Variants in CEP290 observed in about 807,000 individuals in gnomAD.
CEP290 encodes the protein centrosomal protein 290.
CEP290 carries 317 observed loss-of-function variants against 344.9 expected under a neutral mutation model. The observed-to-expected ratio is 0.92, with a 90% CI of 0.84 to 1.01. The LOEUF (loss-of-function observed/expected upper bound fraction) is 1.01, where lower values mean the gene tolerates loss of function less well. CEP290 is among the 50% of genes least tolerant of loss of function. The pLI, the probability that CEP290 is intolerant of heterozygous loss-of-function variation, is 0.00. For missense variants in CEP290, 2,754 were observed against 2,761.4 expected (o/e 1.00, Z 0.06); for synonymous variants, 932 against 895.8 (o/e 1.04, Z -0.72).
At chr12:88,072,420 T>C (rs2035449733) in intron 41 of CEP290, among the ~76,000 whole-genome samples, 1 of 152,194 alleles carries the variant, frequency 6.6e-6, no homozygotes, top group African/African-American at 2.4e-5. Context: ...ATGTTCAACC[T>C]GTATAACTCC....
At chr12:88,079,898 A>G (rs2036063826) in intron 38 of CEP290, among the ~76,000 whole-genome samples, 1 of 152,124 alleles carries the variant, frequency 6.6e-6, no homozygotes, top group African/African-American at 2.4e-5. Context: ...AATACAATGT[A>G]ATATATATTA....
chr12:88,078,476 A>G (rs1202091792), intron 39 of CEP290, among the ~76,000 whole-genome samples: 1 of 152,076 alleles, frequency 6.6e-6, no homozygotes, highest in Non-Finnish European at 1.5e-5. Context: ...AACTATGGAG[A>G]CAGTAAAAAG....
At chr12:88,096,066 G>A (rs538178048) in intron 27 of CEP290, among the ~76,000 whole-genome samples, 1 of 130,308 alleles carries the variant, frequency 7.7e-6, no homozygotes, top group Non-Finnish European at 1.7e-5. Context: ...TTTTTTTTTT[G>A]AGACGGAGTC....
intron 45 of CEP290, among the ~76,000 whole-genome samples, chr12:88,063,741 G>A (rs1295245001): frequency 1.3e-5 from 2 of 151,968 alleles, no homozygotes; most frequent in Admixed American, 6.5e-5. Flanking sequence ...CCACTAGAAC[G>A]TAAGTCCTAT....
At chr12:88,129,668 TAA>T in intron 10 of CEP290, 24 bp downstream of exon 10, 1 of 1,256,724 alleles carries the variant, frequency 8.0e-7, no homozygotes, top group African/African-American at 1.6e-5. Context: ...TCTGAATAAA[TAA>T]GTTATTCTAA....
chr12:88,130,169 C>A, intron 9 of CEP290, 99 bp downstream of exon 9: 1 of 1,201,968 alleles, frequency 8.3e-7, no homozygotes, highest in Non-Finnish European at 1.2e-6. Context: ...CAGATTTATA[C>A]CAGGGAATTT....
At chr12:88,102,712 T>G in intron 26 of CEP290, 126 bp downstream of exon 26, 1 of 677,152 alleles carries the variant, frequency 1.5e-6, no homozygotes, top group Non-Finnish European at 2.4e-6. Flanking sequence ...TATGGATAAT[T>G]ATATCTCTGT....
intron 46 of CEP290, 50 bp downstream of exon 46, chr12:88,062,642 G>T: frequency 2.5e-6 from 3 of 1,212,688 alleles, no homozygotes; most frequent in Non-Finnish European, 3.6e-6. Flanking sequence ...TTTCATTTCT[G>T]GCTTATCACT....
At chr12:88,109,347 T>C (rs1369951925) in intron 22 of CEP290, among the ~76,000 whole-genome samples, 166 bp from the exon 23 acceptor site, 1 of 152,174 alleles carries the variant, frequency 6.6e-6, no homozygotes, top group Non-Finnish European at 1.5e-5. Flanking sequence ...CACTTTAGTT[T>C]AAGGCATAAA....
In CEP290 at chr12:88,093,812, T is replaced by C; in HGVS notation, c.3267A>G (p.Gln1089=). Residue 1089 remains glutamine (Q), a synonymous_variant, in exon 28 of 54, where the codon CAA becomes CAG. Transcript: ENST00000552810. ...MYEHLRTSLK[Q]MEERNFELET... ...CCAATTCAAAATTACGTTCCTCCAT[T>C]TGCTTTAACGAAGTCCGTAAGTGTT... 1 of 1,612,206 alleles carries C rather than the reference T, an allele frequency of 6.2e-7. No homozygotes were observed. The highest frequency in any genetic ancestry group is 8.5e-7 in the Non-Finnish European group (1 of 1,178,948).
chr12:88,136,867 T>G, intron 5 of CEP290, 81 bp from the exon 6 acceptor site: 1 of 1,251,972 alleles, frequency 8.0e-7, no homozygotes, highest in Non-Finnish European at 1.1e-6. Context: ...CAAATAATTA[T>G]GCTGAATTTA....
chr12:88,107,565 T>C (rs2038374746), intron 23 of CEP290, among the ~76,000 whole-genome samples: 1 of 151,386 alleles, frequency 6.6e-6, no homozygotes, highest in Admixed American at 6.6e-5. Flanking sequence ...CAGTATATTA[T>C]ATACTTTAAA....
At chr12:88,102,158 A>C (rs2037938001) in intron 26 of CEP290, among the ~76,000 whole-genome samples, 1 of 152,180 alleles carries the variant, frequency 6.6e-6, no homozygotes, top group South Asian at 2.1e-4. Context: ...GTCCTCAGTA[A>C]AAGGTATAGA....
chr12:88,102,781 A>G, intron 26 of CEP290, 57 bp downstream of exon 26: 1 of 1,495,630 alleles, frequency 6.7e-7, no homozygotes, highest in East Asian at 2.3e-5. Context: ...CCCCAAACAC[A>G]AAAATATTGA....
At position 88,084,860 on chromosome 12, in the gene CEP290, GATTAA is replaced by G; in HGVS notation, c.4438-13_4438-9del. On this transcript the variant is annotated splice_polypyrimidine_tract_variant and intron_variant, in intron 34 of 53. Transcript: ENST00000552810. Reference sequence around the variant, plus strand: ...TTCTTTCTCTTTTAGTTTCTGCAATGATTAAATTATAATAAATCATTAAAGTATCT... The same window carrying G: ...TTCTTTCTCTTTTAGTTTCTGCAATGATTATAATAAATCATTAAAGTATCT... The G allele has an allele frequency of 6.7e-7, 1 of 1,496,432 alleles. No individual in the cohort carries two copies. The highest frequency in any genetic ancestry group is 1.3e-5 in the South Asian group (1 of 76,840). 92.7% of individuals were successfully genotyped at this position (1,496,432 alleles called of 1,614,324 possible). A position where few individuals can be genotyped will look rare whatever the true frequency, so the allele number is the denominator to read the frequency against.
intron 31 of CEP290, among the ~76,000 whole-genome samples, chr12:88,088,572 C>T (rs2036771104): frequency 6.6e-6 from 1 of 152,160 alleles, no homozygotes; most frequent in Admixed American, 6.6e-5. Flanking sequence ...GTATAATAGA[C>T]ATTCAAATAG....
chr12:88,064,369 C>G lies in CEP290; in HGVS notation c.6136-254G>C, dbSNP rs80192319. On this transcript the variant is annotated intron_variant, in intron 44 of 53. Transcript: ENST00000552810. The stretch of plus-strand genomic sequence containing the variant: ...CTTAATAATGTCCATACATATAATG[C>G]CTTCATGTATAATTTCATAATGGTT... Among the ~76,000 whole-genome samples, 2,453 of 152,074 alleles carry G rather than the reference C, an allele frequency of 0.016. 27 individuals carry two copies. The highest frequency in any genetic ancestry group is 0.023 in the East Asian group (121 of 5,172).
chr12:88,098,987 A>C (rs1182742313), intron 26 of CEP290, among the ~76,000 whole-genome samples: 1 of 152,198 alleles, frequency 6.6e-6, no homozygotes, highest in Admixed American at 6.5e-5. Flanking sequence ...ACTGGAATTT[A>C]ACTTAACGTA....
chr12:88,065,339 TTTTG>T (rs67384792), intron 44 of CEP290, among the ~76,000 whole-genome samples: 118,311 of 151,736 alleles, frequency 0.78, 50,197 homozygotes, highest in East Asian at 0.96. Context: ...TCCATCTGAT[TTTTG>T]TTTGAGGAGA....
Sources: gnomAD v4.1 joint callset for allele counts (sites outside exome capture counted in the v4.1 genomes callset) on GRCh38, gnomAD v4.1.1 for gene constraint, MANE v1.5 for transcripts, NCBI Gene and HGNC (gene_info 2026-07-23, HGNC 2026-07-21) for gene names.